SUDS3: variants seen among roughly 807,000 people sequenced by gnomAD.
SUDS3 encodes the protein SIN3A corepressor complex component SDS3.
In SUDS3, 23 loss-of-function variants were observed where a neutral mutation model predicts 53.5. The ratio of observed to expected loss-of-function variants is 0.43; its 90% CI spans 0.31 to 0.61. The LOEUF is 0.61. SUDS3 is among the 20% of genes least tolerant of loss of function. SUDS3 has a pLI of 0.10. For missense variants in SUDS3, 291 were observed against 405.9 expected (o/e 0.72, Z 2.43); for synonymous variants, 150 against 148.5 (o/e 1.01, Z -0.08).
intron 2 of SUDS3, among the ~76,000 whole-genome samples, chr12:118,380,480 G>C (rs538178067): frequency 6.6e-6 from 1 of 152,316 alleles, no homozygotes; most frequent in South Asian, 2.1e-4. Context: ...CTGATCCCAA[G>C]CATTTCAGAT....
chr12:118,376,826 G>C lies in SUDS3; in HGVS notation c.135G>C (p.Ser45=). Reference sequence around the variant, plus strand: ...AGCGCAGCTGTCGGGGCCGCGAGTCGGACGAAGGTGAGTCCTGCCGCTCGC... The same window carrying C: ...AGCGCAGCTGTCGGGGCCGCGAGTCCGACGAAGGTGAGTCCTGCCGCTCGC... ...DDERSCRGRE[S]DEDTEDASET... Residue 45 remains serine, a synonymous_variant, in exon 1 of 12, where the codon TCG becomes TCC. Coordinates refer to ENST00000543473, the MANE Select transcript of SUDS3 (RefSeq NM_022491.3). The C allele has an allele frequency of 6.5e-7, 1 of 1,541,444 alleles. No homozygotes were observed. Among genetic ancestry groups the C allele is most frequent in the Non-Finnish European group, 8.7e-7 (1 of 1,150,820 alleles).
At chr12:118,394,913 A>G (rs2046200026) in intron 6 of SUDS3, among the ~76,000 whole-genome samples, 1 of 152,158 alleles carries the variant, frequency 6.6e-6, no homozygotes, top group South Asian at 2.1e-4. Context: ...TTGAATTCCA[A>G]GGCTCAAGCA....
At chr12:118,379,014 G>A (rs183763774) in intron 1 of SUDS3, among the ~76,000 whole-genome samples, 5 of 149,058 alleles carry the variant, frequency 3.4e-5, no homozygotes, top group Non-Finnish European at 7.4e-5. Context: ...GTTTCACCAC[G>A]TTGGCCAGGC....
At chr12:118,389,453 C>T (rs2046145353) in intron 4 of SUDS3, among the ~76,000 whole-genome samples, 2 of 151,830 alleles carry the variant, frequency 1.3e-5, no homozygotes, top group African/African-American at 4.8e-5. Context: ...GAGTTTGGTT[C>T]CTGCTGCACG....
chr12:118,378,562 A>G (rs1314672741), intron 1 of SUDS3, among the ~76,000 whole-genome samples: 4 of 151,588 alleles, frequency 2.6e-5, no homozygotes, highest in African/African-American at 4.9e-5. Context: ...GCTCACTGCA[A>G]CTTCCATCTC....
At chr12:118,390,882 A>G in intron 5 of SUDS3, 1 of 549,732 alleles carries the variant, frequency 1.8e-6, no homozygotes, top group Admixed American at 2.6e-5. Flanking sequence ...AGTATAAAAT[A>G]TAGGATGTGG....
Position 118,417,920 on chromosome 12 carries a change from G to C in SUDS3, c.*3487G>C, listed in dbSNP as rs1482130545. The C allele has an allele frequency of 6.6e-6, 1 of 152,170 alleles. No individual in the cohort carries two copies. The highest frequency in any genetic ancestry group is 1.5e-5 in the Non-Finnish European group (1 of 68,038). 9.4% of individuals were successfully genotyped at this position (152,170 alleles called of 1,614,324 possible). ...TTTGTAAAGAGCAATCTGGGGTGTT[G>C]ACCCTTAAATGTTTGTGCACTCTTC... On this transcript the variant is annotated 3_prime_UTR_variant, in exon 12 of 12. Coordinates refer to ENST00000543473, the MANE Select transcript of SUDS3 (RefSeq NM_022491.3).
chr12:118,412,009 A>T (rs2046363798), intron 11 of SUDS3, among the ~76,000 whole-genome samples: 1 of 152,212 alleles, frequency 6.6e-6, no homozygotes, highest in African/African-American at 2.4e-5. Context: ...CCCACACGCC[A>T]CTTGCCTGCC....
intron 4 of SUDS3, among the ~76,000 whole-genome samples, chr12:118,387,898 A>G (rs1400688336): frequency 6.6e-6 from 1 of 152,206 alleles, no homozygotes; most frequent in Non-Finnish European, 1.5e-5. Flanking sequence ...GTAAAAATGC[A>G]GAAGAGCTCC....
intron 10 of SUDS3, among the ~76,000 whole-genome samples, chr12:118,407,377 T>C (rs1036575864): frequency 6.6e-6 from 1 of 152,150 alleles, no homozygotes; most frequent in African/African-American, 2.4e-5. Flanking sequence ...TTGGGAAGCA[T>C]GTTGGCCACC....
chr12:118,386,650 T>C (rs1209506223), intron 4 of SUDS3, among the ~76,000 whole-genome samples: 1 of 152,212 alleles, frequency 6.6e-6, no homozygotes, highest in African/African-American at 2.4e-5. Context: ...CACACTTGAT[T>C]AGTTGTATAC....
At chr12:118,390,811 A>G (rs970237915) in intron 5 of SUDS3, among the ~76,000 whole-genome samples, 2 of 152,150 alleles carry the variant, frequency 1.3e-5, no homozygotes, top group Non-Finnish European at 2.9e-5. Flanking sequence ...TCTAGAATCT[A>G]TTTTCCTTTG....
intron 10 of SUDS3, among the ~76,000 whole-genome samples, chr12:118,410,858 A>G (rs947573875): frequency 1.3e-5 from 2 of 152,082 alleles, no homozygotes; most frequent in African/African-American, 4.8e-5. Context: ...CGGCCTCCCA[A>G]AGTGCTGGGA....
Position 118,386,191 on chromosome 12 carries a change from G to C in SUDS3, c.340+6G>C. 3 of 1,591,774 alleles carry C rather than the reference G, an allele frequency of 1.9e-6. No homozygotes were observed. Among genetic ancestry groups the C allele is most frequent in the Non-Finnish European group, 2.6e-6 (3 of 1,168,344 alleles). On this transcript the variant is annotated splice_donor_region_variant and intron_variant, in intron 4 of 11. Transcript: ENST00000543473. ...AGAGAGGATACGGAATGCAGGTAAG[G>C]CTCCTTTAAATGGCAATGAATCATC...
intron 6 of SUDS3, among the ~76,000 whole-genome samples, chr12:118,394,237 C>T (rs1423390489): frequency 2.6e-5 from 4 of 152,054 alleles, no homozygotes; most frequent in Non-Finnish European, 4.4e-5. Context: ...GTAGATGTGA[C>T]GTGAGATGAG....
chr12:118,377,956 A>T (rs2046016928), intron 1 of SUDS3, among the ~76,000 whole-genome samples: 1 of 152,224 alleles, frequency 6.6e-6, no homozygotes, highest in African/African-American at 2.4e-5. Context: ...CAACAGCCTT[A>T]CAAAAGACAG....
rs1593744130 is a variant in SUDS3, at chr12:118,376,622, C to A, written c.-70C>A. The stretch of plus-strand genomic sequence containing the variant: ...GGGGGCTGCCGCGGACACTGCTAGG[C>A]AGACGGCGAGTACCGAGCGCGGGTG... On this transcript the variant is annotated 5_prime_UTR_variant, in exon 1 of 12. Transcript: ENST00000543473. 1.5e-6 allele frequency: 2 copies of A among 1,375,898 alleles called. No individual in the cohort carries two copies. The highest frequency in any genetic ancestry group is 6.0e-5 in the East Asian group (2 of 33,410). The allele number at this position is 1,375,898 out of a possible 1,614,324, so 85.2% of individuals were successfully genotyped here.
intron 6 of SUDS3, among the ~76,000 whole-genome samples, chr12:118,395,345 C>T (rs1357344370): frequency 1.3e-5 from 2 of 151,278 alleles, no homozygotes; most frequent in African/African-American, 4.9e-5. Context: ...CCTGCCTCAA[C>T]CTCCTGAGTA....
rs1483391106 is a variant in SUDS3 at position 118,416,392 on chromosome 12, G to A, written c.*1959G>A. 9.2e-6 allele frequency: 1 copy of A among 108,424 alleles called. No individual in the cohort carries two copies. Among genetic ancestry groups the A allele is most frequent in the Non-Finnish European group, 2.1e-5 (1 of 47,548 alleles). 6.7% of individuals were successfully genotyped at this position (108,424 alleles called of 1,614,324 possible). ...ATTGCCTCTTTTTCTGGCCTTCTCTGTGGGACCTCTGCTTTTGTGAAGCAA... is the reference window on the plus strand; with the variant it reads ...ATTGCCTCTTTTTCTGGCCTTCTCTATGGGACCTCTGCTTTTGTGAAGCAA... On this transcript the variant is annotated 3_prime_UTR_variant, in exon 12 of 12. Coordinates refer to ENST00000543473, the MANE Select transcript of SUDS3 (RefSeq NM_022491.3).
Sources: gnomAD v4.1 joint callset for allele counts (sites outside exome capture counted in the v4.1 genomes callset) on GRCh38, gnomAD v4.1.1 for gene constraint, MANE v1.5 for transcripts, NCBI Gene and HGNC (gene_info 2026-07-23, HGNC 2026-07-21) for gene names.